DENND1A: variants seen among roughly 807,000 people sequenced by gnomAD.
DENND1A encodes the protein DENN domain containing 1A.
A neutral mutation model predicts 113.7 loss-of-function variants in DENND1A; 51 were observed. The ratio of observed to expected loss-of-function variants is 0.45; its 90% CI spans 0.36 to 0.57. DENND1A has a LOEUF of 0.57. DENND1A is among the 20% of genes least tolerant of loss of function. The probability of loss-of-function intolerance (pLI) is 0.00; values close to 1 mark genes in which losing one functional copy is unlikely to be tolerated. For synonymous variants in DENND1A, 565 were observed against 570.8 expected, an observed-to-expected ratio of 0.99 and a Z score of 0.14; for missense variants, 1,258 against 1,395.9, an observed-to-expected ratio of 0.90 and a Z score of 1.57.
intron 19 of DENND1A, among the ~76,000 whole-genome samples, chr9:123,435,358 G>A (rs763531027): frequency 2.0e-5 from 3 of 152,142 alleles, no homozygotes; most frequent in Non-Finnish European, 4.4e-5. Context: ...TTCTCCATAC[G>A]CAGAGACAAG....
At chr9:123,815,635 G>A (rs1167073973) in intron 2 of DENND1A, among the ~76,000 whole-genome samples, 3 of 152,118 alleles carry the variant, frequency 2.0e-5, no homozygotes, top group African/African-American at 7.2e-5. Context: ...GCTGAGAAAG[G>A]AAGGGGTAAA....
At chr9:123,720,863 G>C (rs560918761) in intron 5 of DENND1A, among the ~76,000 whole-genome samples, 23 of 152,324 alleles carry the variant, frequency 1.5e-4, no homozygotes, top group Admixed American at 1.3e-3. Flanking sequence ...AATTAGAAGA[G>C]TAAACCAGTC....
intron 12 of DENND1A, among the ~76,000 whole-genome samples, chr9:123,582,295 AG>A (rs1260191363): frequency 3.3e-5 from 5 of 152,204 alleles, no homozygotes; most frequent in Non-Finnish European, 7.3e-5. Flanking sequence ...CGAGACTCTC[AG>A]ACTCCCACAG....
rs75819613 is a variant in DENND1A, at chr9:123,850,084, T to C, written c.88+28867A>G. On this transcript the variant is annotated intron_variant, in intron 2 of 23. Transcript: ENST00000394215. ...AATGACAAGAAAGCATTTATAATAT[T>C]ACACAAACCTGGTTGATAAACCAGT... Among the ~76,000 whole-genome samples the C allele has an allele frequency of 9.8e-3, 1,486 of 152,366 alleles. 27 individuals carry two copies. The highest frequency in any genetic ancestry group is 0.032 in the African/African-American group (1,344 of 41,588).
intron 13 of DENND1A, among the ~76,000 whole-genome samples, chr9:123,516,155 C>CACACAA (rs1452989484): frequency 1.1e-4 from 11 of 103,000 alleles, no homozygotes; most frequent in African/African-American, 5.5e-4. Flanking sequence ...CACACACACA[C>CACACAA]AAAGGTTGGG....
chr9:123,519,975 C>T (rs2134963142), intron 13 of DENND1A, among the ~76,000 whole-genome samples: 1 of 151,978 alleles, frequency 6.6e-6, no homozygotes, highest in Non-Finnish European at 1.5e-5. Context: ...GCCTGGGTGA[C>T]AAAGTGAGAC....
rs577993819 is a variant in DENND1A, at chr9:123,780,617, G to T, written c.133-11054C>A. On this transcript the variant is annotated intron_variant, in intron 3 of 23. Coordinates refer to ENST00000394215, the MANE Select transcript of DENND1A (RefSeq NM_001352964.2). Reference sequence around the variant, plus strand: ...CTTGACATTGAAAATGAAAGGAATGGGGAAGACTATTAAAGTTTGTATAAA... The same window carrying T: ...CTTGACATTGAAAATGAAAGGAATGTGGAAGACTATTAAAGTTTGTATAAA... Among the ~76,000 whole-genome samples, 20 of 152,254 alleles carry T rather than the reference G, an allele frequency of 1.3e-4. 2 individuals are homozygous for T. In the South Asian group the frequency reaches 3.9e-3, roughly 30 times the overall value.
intron 2 of DENND1A, among the ~76,000 whole-genome samples, chr9:123,867,026 C>T (rs618533): frequency 0.086 from 13,131 of 152,160 alleles, 950 homozygotes; most frequent in African/African-American, 0.2. Context: ...TGTCTAAGAA[C>T]ATATTAAAGG....
intron 1 of DENND1A, among the ~76,000 whole-genome samples, chr9:123,912,948 G>A (rs755419080): frequency 4.0e-5 from 6 of 151,886 alleles, no homozygotes; most frequent in Non-Finnish European, 5.9e-5. Context: ...GCCTACTAGG[G>A]AGCCAGAACT....
At chr9:123,615,333 T>C (rs1396715982) in intron 10 of DENND1A, among the ~76,000 whole-genome samples, 1 of 152,244 alleles carries the variant, frequency 6.6e-6, no homozygotes, top group Non-Finnish European at 1.5e-5. Context: ...GTGGCAGAAC[T>C]GGGACTAGAA....
At chr9:123,845,386 T>C (rs1842441776) in intron 2 of DENND1A, among the ~76,000 whole-genome samples, 1 of 152,010 alleles carries the variant, frequency 6.6e-6, no homozygotes, top group African/African-American at 2.4e-5. Flanking sequence ...GATTGTAGGC[T>C]GGGGATACTG....
intron 13 of DENND1A, among the ~76,000 whole-genome samples, chr9:123,517,652 C>CA (rs1456412781): frequency 6.6e-6 from 1 of 151,778 alleles, no homozygotes; most frequent in Non-Finnish European, 1.5e-5. Flanking sequence ...CAAAACAAAA[C>CA]AAACAAAAAA....
chr9:123,854,828 T>G (rs900815635), intron 2 of DENND1A, among the ~76,000 whole-genome samples: 2 of 151,188 alleles, frequency 1.3e-5, no homozygotes, highest in African/African-American at 4.9e-5. Flanking sequence ...GAATATATCT[T>G]CATCTTATCA....
chr9:123,928,202 A>G (rs1426154850), intron 1 of DENND1A, among the ~76,000 whole-genome samples: 1 of 152,228 alleles, frequency 6.6e-6, no homozygotes, highest in African/African-American at 2.4e-5. Context: ...TCAACCTGCT[A>G]CCTTGGAGAG....
chr9:123,645,303 T>C (rs906728250), intron 9 of DENND1A, among the ~76,000 whole-genome samples: 21 of 152,286 alleles, frequency 1.4e-4, no homozygotes, highest in African/African-American at 5.1e-4. Flanking sequence ...TAAGCCTCCA[T>C]CTTATCAAAC....
rs2043860544 is a variant in DENND1A at position 123,406,454 on chromosome 9, G to A, written c.1543-2964C>T. 2.6e-5 allele frequency among the ~76,000 whole-genome samples: 4 copies of A among 152,362 alleles called. No homozygotes were observed. The East Asian group carries it at 7.7e-4, about 29-fold the overall frequency. Reference sequence around the variant, plus strand: ...AACAAAAGGAAGACGATGAGTGGGTGTCTCTGAATTAGAAGATGAGTTTTA... The same window carrying A: ...AACAAAAGGAAGACGATGAGTGGGTATCTCTGAATTAGAAGATGAGTTTTA... On this transcript the variant is annotated intron_variant, in intron 20 of 23. Transcript: ENST00000394215.
At chr9:123,448,611 T>C (rs533633894) in intron 18 of DENND1A, among the ~76,000 whole-genome samples, 94 of 152,310 alleles carry the variant, frequency 6.2e-4, no homozygotes, top group Non-Finnish European at 9.9e-4. Flanking sequence ...GATAAAAAGG[T>C]ATATTTAGGG....
chr9:123,645,114 T>A (rs977907749), intron 9 of DENND1A, among the ~76,000 whole-genome samples: 4 of 152,190 alleles, frequency 2.6e-5, no homozygotes, highest in Admixed American at 6.5e-5. Flanking sequence ...AAAACTTACA[T>A]TTTTCTTATA....
At chr9:123,553,404 C>G (rs572888866) in intron 13 of DENND1A, among the ~76,000 whole-genome samples, 1 of 151,340 alleles carries the variant, frequency 6.6e-6, no homozygotes, top group African/African-American at 2.4e-5. Context: ...AAAGCCGCCC[C>G]CCCCCCGCTC....
Sources: gnomAD v4.1 joint callset for allele counts (sites outside exome capture counted in the v4.1 genomes callset) on GRCh38, gnomAD v4.1.1 for gene constraint, MANE v1.5 for transcripts, NCBI Gene and HGNC (gene_info 2026-07-23, HGNC 2026-07-21) for gene names.